The following KCNIP4 variants were observed in gnomAD, a reference collection of about 807,000 sequenced individuals.
The protein encoded by KCNIP4 is Kv channel-interacting protein 4.
Under a neutral mutation model 34.0 loss-of-function variants are expected in KCNIP4, and 12 were observed. That is an observed-to-expected ratio of 0.35 (90% CI 0.23 to 0.57). KCNIP4 has a LOEUF of 0.57. KCNIP4 is among the 20% of genes least tolerant of loss of function. The pLI is 0.83. For missense variants in KCNIP4, 238 were observed against 311.7 expected (o/e 0.76, Z 1.78); for synonymous variants, 124 against 102.2 (o/e 1.21, Z -1.29).
chr4:21,628,996 T>C (rs1187952828), intron 1 of KCNIP4, among the ~76,000 whole-genome samples: 3 of 152,084 alleles, frequency 2.0e-5, no homozygotes, highest in Non-Finnish European at 4.4e-5. Flanking sequence ...AAAGGTAGAG[T>C]TCTCATTAAC....
intron 1 of KCNIP4, among the ~76,000 whole-genome samples, chr4:21,896,051 T>C (rs1254220646): frequency 1.3e-5 from 2 of 152,128 alleles, no homozygotes. Flanking sequence ...GTTTCAGATA[T>C]TTTACTGTAA....
At chr4:21,462,418 C>T (rs571290621) in intron 1 of KCNIP4, among the ~76,000 whole-genome samples, 1 of 152,214 alleles carries the variant, frequency 6.6e-6, no homozygotes, top group Non-Finnish European at 1.5e-5. Context: ...ACCATCAGAT[C>T]TCATGAGACT....
chr4:21,079,984 T>C (rs1192801650), intron 1 of KCNIP4, among the ~76,000 whole-genome samples: 1 of 151,910 alleles, frequency 6.6e-6, no homozygotes, highest in Non-Finnish European at 1.5e-5. Flanking sequence ...GTGAAACCCA[T>C]TTCATATTTC....
intron 1 of KCNIP4, among the ~76,000 whole-genome samples, chr4:21,648,728 A>G (rs528607686): frequency 6.6e-6 from 1 of 152,328 alleles, no homozygotes; most frequent in Non-Finnish European, 1.5e-5. Flanking sequence ...GTAATCAAGC[A>G]TTGGCCTAAC....
At chr4:21,130,768 ATAAAGT>A (rs1344880722) in intron 1 of KCNIP4, among the ~76,000 whole-genome samples, 25 of 152,364 alleles carry the variant, frequency 1.6e-4, no homozygotes, top group African/African-American at 5.8e-4. Context: ...ACTATAGTAT[ATAAAGT>A]TAAACATATG....
chr4:20,982,056 T>C (rs932024718), intron 1 of KCNIP4, among the ~76,000 whole-genome samples: 3 of 152,198 alleles, frequency 2.0e-5, no homozygotes, highest in Admixed American at 1.3e-4. Flanking sequence ...TTAAGTGATA[T>C]GAAACAGACA....
intron 1 of KCNIP4, among the ~76,000 whole-genome samples, chr4:21,593,405 G>A (rs983986088): frequency 3.3e-5 from 5 of 152,074 alleles, no homozygotes; most frequent in African/African-American, 1.2e-4. Flanking sequence ...GGAGTGCTCT[G>A]CTCTTCTGCT....
intron 1 of KCNIP4, among the ~76,000 whole-genome samples, chr4:21,149,332 A>G (rs762373709): frequency 1.3e-5 from 2 of 152,220 alleles, no homozygotes; most frequent in Non-Finnish European, 2.9e-5. Context: ...TCTGTTTTCA[A>G]TAGCTCCAAA....
intron 1 of KCNIP4, among the ~76,000 whole-genome samples, chr4:21,157,484 G>T (rs887149072): frequency 6.6e-6 from 1 of 151,648 alleles, no homozygotes; most frequent in Non-Finnish European, 1.5e-5. Context: ...AAATATATTA[G>T]ACAATAGTTT....
At chr4:21,271,598 G>A (rs1477426933) in intron 1 of KCNIP4, among the ~76,000 whole-genome samples, 1 of 152,124 alleles carries the variant, frequency 6.6e-6, no homozygotes, top group Non-Finnish European at 1.5e-5. Flanking sequence ...CTGGGGGACT[G>A]CCTGTCACAG....
intron 1 of KCNIP4, among the ~76,000 whole-genome samples, chr4:21,302,878 T>C (rs190746140): frequency 1.3e-5 from 2 of 152,334 alleles, no homozygotes; most frequent in African/African-American, 4.8e-5. Context: ...TAAATACATT[T>C]ATAATGTATT....
At chr4:21,446,177 G>C (rs1345609166) in intron 1 of KCNIP4, among the ~76,000 whole-genome samples, 2 of 152,142 alleles carry the variant, frequency 1.3e-5, no homozygotes, top group Non-Finnish European at 2.9e-5. Context: ...CTGTTGGTGG[G>C]ACTGTAAACT....
intron 1 of KCNIP4, among the ~76,000 whole-genome samples, chr4:21,251,357 T>G (rs2109078551): frequency 6.6e-6 from 1 of 152,308 alleles, no homozygotes; most frequent in Admixed American, 6.5e-5. Flanking sequence ...CATGCATTAC[T>G]TTTTACTTTA....
At chr4:20,738,646 C>A (rs751999283) in intron 5 of KCNIP4, among the ~76,000 whole-genome samples, 1 of 152,176 alleles carries the variant, frequency 6.6e-6, no homozygotes, top group Non-Finnish European at 1.5e-5. Context: ...TACATAGGAA[C>A]AGCTCCAGTC....
chr4:20,807,898 A>C (rs1715281009), intron 3 of KCNIP4, among the ~76,000 whole-genome samples: 1 of 152,162 alleles, frequency 6.6e-6, no homozygotes. Context: ...TCACTGGCGC[A>C]CCTACAGTAC....
chr4:20,883,968 A>G (rs1233690959), intron 1 of KCNIP4, among the ~76,000 whole-genome samples: 4 of 151,946 alleles, frequency 2.6e-5, no homozygotes, highest in Non-Finnish European at 5.9e-5. Flanking sequence ...ATTTGCAGCC[A>G]CTCTCTCTGC....
At chr4:21,247,930 T>TAC (rs372237209) in intron 1 of KCNIP4, among the ~76,000 whole-genome samples, 8,297 of 119,458 alleles carry the variant, frequency 0.069, 1,125 homozygotes, top group African/African-American at 0.29. Flanking sequence ...CATATATATA[T>TAC]ACACACATAT....
At chr4:21,477,979 T>C (rs1399131931) in intron 1 of KCNIP4, among the ~76,000 whole-genome samples, 1 of 152,318 alleles carries the variant, frequency 6.6e-6, no homozygotes, top group East Asian at 1.9e-4. Context: ...TGAACAAAAA[T>C]CTATCTTCAA....
chr4:21,541,858 A>C (rs1398159492), intron 1 of KCNIP4, among the ~76,000 whole-genome samples: 1 of 151,796 alleles, frequency 6.6e-6, no homozygotes, highest in Non-Finnish European at 1.5e-5. Context: ...GCTCAGGCTC[A>C]TCTTCAACTC....
Sources: gnomAD v4.1 joint callset for allele counts (sites outside exome capture counted in the v4.1 genomes callset) on GRCh38, gnomAD v4.1.1 for gene constraint, MANE v1.5 for transcripts, NCBI Gene and HGNC (gene_info 2026-07-23, HGNC 2026-07-21) for gene names.